Variants in CRIM1 observed in about 807,000 individuals in gnomAD.
CRIM1 encodes cysteine rich transmembrane BMP regulator 1.
A neutral mutation model predicts 116.4 loss-of-function variants in CRIM1; 32 were observed. That is an observed-to-expected ratio of 0.27 (90% CI 0.21 to 0.37). CRIM1 has a LOEUF of 0.37. CRIM1 is among the 10% of genes least tolerant of loss of function. The pLI is 1.00. For missense variants in CRIM1, 1,331 were observed against 1,354.8 expected (o/e 0.98, Z 0.28); for synonymous variants, 590 against 509.2 (o/e 1.16, Z -2.13).
intron 15 of CRIM1, among the ~76,000 whole-genome samples, chr2:36,546,718 C>G (rs552585162): frequency 3.1e-4 from 47 of 149,592 alleles, no homozygotes; most frequent in African/African-American, 1.1e-3. Flanking sequence ...CCTTGATTAG[C>G]TAGAGCCGGC....
rs980578894 is a variant in CRIM1, at chr2:36,459,055, A to G, written c.870-5479A>G. ...TACTAGTAATCATTGTTCTCATTAT[A>G]ATGTTAAAACTAGTTGTACTTGTTT... is the stretch of plus-strand genomic sequence containing the variant. On this transcript the variant is annotated intron_variant, in intron 4 of 16. Transcript: ENST00000280527. Among the ~76,000 whole-genome samples the G allele has an allele frequency of 6.6e-5, 10 of 152,172 alleles. No homozygotes were observed. The East Asian group carries it at 1.9e-3, about 29-fold the overall frequency.
chr2:36,522,813 AAAG>A lies in CRIM1; in HGVS notation c.2428+516_2428+518del, dbSNP rs1323325612. 4.5e-3 allele frequency among the ~76,000 whole-genome samples: 643 copies of A among 142,388 alleles called. 30 individuals are homozygous for A. Among genetic ancestry groups the A allele is most frequent in the Middle Eastern group, 0.012 (3 of 260 alleles). The allele number at this position is 142,388 out of a possible 152,430, so 93.4% of individuals were successfully genotyped here. On this transcript the variant is annotated intron_variant, in intron 13 of 16. Coordinates refer to ENST00000280527, the MANE Select transcript of CRIM1 (RefSeq NM_016441.3). ...CAAGACTCCATCTCAAAAAAAAAAAAAAGAAGAAGAAGAAGAAGGAGAAAGAAA... is the reference window on the plus strand; with the variant it reads ...CAAGACTCCATCTCAAAAAAAAAAAAAAGAAGAAGAAGAAGGAGAAAGAAA...
Position 36,521,076 on chromosome 2 carries a change from C to T in CRIM1, c.2207-1016C>T, listed in dbSNP as rs369563770. Among the ~76,000 whole-genome samples the T allele has an allele frequency of 1.4e-4, 21 of 152,240 alleles. 1 individual carries two copies. The highest frequency in any genetic ancestry group is 4.3e-4 in the African/African-American group (18 of 41,538). On this transcript the variant is annotated intron_variant, in intron 12 of 16. Coordinates refer to ENST00000280527, the MANE Select transcript of CRIM1 (RefSeq NM_016441.3). ...GACTATGACATTTCTAAACTGGAAA[C>T]GCACCCACTTACATTTTCCTTTCTG...
At chr2:36,370,510 G>A (rs909188710) in intron 1 of CRIM1, among the ~76,000 whole-genome samples, 8 of 152,162 alleles carry the variant, frequency 5.3e-5, no homozygotes, top group African/African-American at 1.9e-4. Context: ...CCAACTGAGG[G>A]CTGGAAAACT....
chr2:36,445,128 G>A (rs1423790551), intron 4 of CRIM1, among the ~76,000 whole-genome samples: 1 of 152,112 alleles, frequency 6.6e-6, no homozygotes, highest in African/African-American at 2.4e-5. Flanking sequence ...TGAACAAACA[G>A]GCCCTCTCTT....
At chr2:36,412,051 C>T (rs779779025) in intron 2 of CRIM1, among the ~76,000 whole-genome samples, 5 of 152,100 alleles carry the variant, frequency 3.3e-5, no homozygotes, top group African/African-American at 4.8e-5. Context: ...GAGATAAAGT[C>T]GAAAACTGTC....
intron 4 of CRIM1, among the ~76,000 whole-genome samples, chr2:36,454,114 A>G (rs1676941572): frequency 6.6e-6 from 1 of 152,130 alleles, no homozygotes; most frequent in South Asian, 2.1e-4. Context: ...GCAAGGCCCC[A>G]TATTACTCAG....
At chr2:36,378,805 G>A (rs1308848472) in intron 1 of CRIM1, 1 of 113,030 alleles carries the variant, frequency 8.8e-6, no homozygotes. Context: ...TGTTGTTTTC[G>A]GTTTTTTTTT....
intron 4 of CRIM1, among the ~76,000 whole-genome samples, chr2:36,443,008 T>C (rs1446541956): frequency 6.6e-6 from 1 of 152,170 alleles, no homozygotes; most frequent in Admixed American, 6.5e-5. Context: ...TAAGCAAATA[T>C]GCCCCTCTGT....
chr2:36,405,426 C>T (rs1046227407), intron 2 of CRIM1, among the ~76,000 whole-genome samples: 3 of 152,202 alleles, frequency 2.0e-5, no homozygotes, highest in Non-Finnish European at 2.9e-5. Context: ...CCATACGGAG[C>T]TGAAGGTCCA....
intron 2 of CRIM1, among the ~76,000 whole-genome samples, chr2:36,437,962 T>C (rs562350359): frequency 6.7e-6 from 1 of 150,052 alleles, no homozygotes; most frequent in African/African-American, 2.4e-5. Context: ...TGAAACCCCA[T>C]CTCTACTAAA....
chr2:36,402,011 G>A (rs1672443544), intron 2 of CRIM1, among the ~76,000 whole-genome samples: 1 of 152,178 alleles, frequency 6.6e-6, no homozygotes, highest in Admixed American at 6.5e-5. Context: ...GTACAGGGAA[G>A]ACAGAGGCTC....
At chr2:36,519,503 A>G (rs1665241249) in intron 12 of CRIM1, among the ~76,000 whole-genome samples, 1 of 152,250 alleles carries the variant, frequency 6.6e-6, no homozygotes, top group South Asian at 2.1e-4. Flanking sequence ...TTAAAACTCA[A>G]ATTATCAGTT....
chr2:36,384,310 G>C (rs922846360), intron 1 of CRIM1, among the ~76,000 whole-genome samples: 1 of 152,200 alleles, frequency 6.6e-6, no homozygotes, highest in Non-Finnish European at 1.5e-5. Flanking sequence ...TGGACGGTCA[G>C]CTAGGGCTAG....
chr2:36,539,394 G>A (rs539652034), intron 14 of CRIM1, among the ~76,000 whole-genome samples: 113 of 152,314 alleles, frequency 7.4e-4, no homozygotes, highest in Admixed American at 1.2e-3. Context: ...CATGGAGGAG[G>A]TAAGAGGTGG....
intron 1 of CRIM1, among the ~76,000 whole-genome samples, chr2:36,396,025 A>C (rs894577818): frequency 3.3e-5 from 5 of 152,084 alleles, no homozygotes. Flanking sequence ...CTCCCACCTC[A>C]AACTCCTGAG....
intron 2 of CRIM1, among the ~76,000 whole-genome samples, chr2:36,417,188 T>G (rs914488903): frequency 6.6e-6 from 1 of 152,204 alleles, no homozygotes; most frequent in African/African-American, 2.4e-5. Context: ...CTGTGGTGAT[T>G]AAATGCTTTG....
intron 2 of CRIM1, among the ~76,000 whole-genome samples, chr2:36,414,717 C>A (rs369107392): frequency 6.6e-6 from 1 of 152,148 alleles, no homozygotes; most frequent in East Asian, 1.9e-4. Context: ...TTCAGTGACC[C>A]CAGTATGGGA....
intron 1 of CRIM1, among the ~76,000 whole-genome samples, chr2:36,358,699 C>T (rs946475532): frequency 2.0e-5 from 3 of 151,952 alleles, no homozygotes; most frequent in South Asian, 2.1e-4. Context: ...CAATTAGTTT[C>T]TCTAGAAACA....
Sources: allele counts gnomAD v4.1 joint callset (sites outside exome capture counted in the v4.1 genomes callset), GRCh38; gene constraint gnomAD v4.1.1; transcripts MANE v1.5; gene names NCBI Gene and HGNC (gene_info 2026-07-23, HGNC 2026-07-21).